DRC11: variants seen among roughly 807,000 people sequenced by gnomAD.
DRC11 encodes the protein IQ and AAA domain-containing protein 1.
the DRC11 span, chr2:236,338,419 A>G: frequency 6.4e-7 from 1 of 1,554,216 alleles, no homozygotes; most frequent in Non-Finnish European, 8.7e-7. Context: ...CACATATAGA[A>G]AAAAAGAATG....
the DRC11 span, among the ~76,000 whole-genome samples, chr2:236,379,892 G>C: frequency 2.0e-5 from 3 of 151,806 alleles, no homozygotes; most frequent in African/African-American, 7.3e-5. Flanking sequence ...CAGGACCAAG[G>C]GAGAGGGGAG....
the DRC11 span, among the ~76,000 whole-genome samples, chr2:236,382,526 T>C: frequency 1.3e-5 from 2 of 152,244 alleles, no homozygotes; most frequent in Admixed American, 6.5e-5. Flanking sequence ...TCCTATCCTA[T>C]AAAAATATCC....
the DRC11 span, among the ~76,000 whole-genome samples, chr2:236,432,031 A>G: frequency 6.6e-6 from 1 of 152,156 alleles, no homozygotes; most frequent in Non-Finnish European, 1.5e-5. Flanking sequence ...AAGTGGCAAC[A>G]TTTTACATTC....
chr2:236,342,577 C>T, the DRC11 span, among the ~76,000 whole-genome samples: 1 of 152,212 alleles, frequency 6.6e-6, no homozygotes, highest in East Asian at 1.9e-4. This position sits in a 1 kb window ranked among gnomAD's most constrained non-coding sequence, Gnocchi z 5.8. Flanking sequence ...AGCCCTGCTC[C>T]CTGAGGGGCA....
chr2:236,325,972 C>T, the DRC11 span, among the ~76,000 whole-genome samples: 1 of 152,216 alleles, frequency 6.6e-6, no homozygotes, highest in Non-Finnish European at 1.5e-5. This position sits in a 1 kb window ranked among gnomAD's most constrained non-coding sequence, Gnocchi z 4.4. Context: ...AAATATTAGG[C>T]AGATAGTTGT....
chr2:236,469,125 C>T, the DRC11 span, among the ~76,000 whole-genome samples: 1 of 152,152 alleles, frequency 6.6e-6, no homozygotes, highest in Non-Finnish European at 1.5e-5. The surrounding 1 kb of genome is among the most constrained non-coding windows in gnomAD (Gnocchi z 5.8). Context: ...TCCTGATAGC[C>T]CCTTGGCATG....
chr2:236,320,715 C>T, the DRC11 span, among the ~76,000 whole-genome samples: 1 of 152,284 alleles, frequency 6.6e-6, no homozygotes, highest in East Asian at 1.9e-4. Context: ...TAATTACTGT[C>T]CCCTCCACTT....
chr2:236,486,070 C>T, the DRC11 span, among the ~76,000 whole-genome samples: 2 of 152,194 alleles, frequency 1.3e-5, no homozygotes, highest in African/African-American at 4.8e-5. The surrounding 1 kb of genome is among the most constrained non-coding windows in gnomAD (Gnocchi z 5.7). Context: ...CTGAGCAGCC[C>T]CCCTCTCCCT....
At chr2:236,413,270 A>G in the DRC11 span, among the ~76,000 whole-genome samples, 1 of 152,202 alleles carries the variant, frequency 6.6e-6, no homozygotes, top group African/African-American at 2.4e-5. The surrounding 1 kb of genome is among the most constrained non-coding windows in gnomAD (Gnocchi z 4.0). Flanking sequence ...AAGTTTACAA[A>G]CAACTGCAGG....
the DRC11 span, among the ~76,000 whole-genome samples, chr2:236,459,636 C>CGTATATACGTATATACATAT: frequency 1.5e-5 from 2 of 132,936 alleles, no homozygotes; most frequent in African/African-American, 5.7e-5. Context: ...TACGTATATA[C>CGTATATACGTATATACATAT]GTATATACGT....
chr2:236,407,959 G>A, the DRC11 span: 1 of 534,222 alleles, frequency 1.9e-6, no homozygotes, highest in Non-Finnish European at 3.7e-6. Flanking sequence ...AAACTTGGCA[G>A]TGGTGTCAAT....
chr2:236,419,538 C>T, the DRC11 span, among the ~76,000 whole-genome samples: 1 of 152,130 alleles, frequency 6.6e-6, no homozygotes, highest in Admixed American at 6.5e-5. The surrounding 1 kb of genome is among the most constrained non-coding windows in gnomAD (Gnocchi z 4.8). Context: ...CCTAATTCCA[C>T]CCACTCCAGC....
the DRC11 span, among the ~76,000 whole-genome samples, chr2:236,322,624 T>C: frequency 3.3e-5 from 5 of 152,156 alleles, no homozygotes; most frequent in African/African-American, 1.2e-4. Context: ...AGCCATCCTT[T>C]GGGAAAAGGC....
the DRC11 span, among the ~76,000 whole-genome samples, chr2:236,401,800 G>A: frequency 2.0e-5 from 3 of 152,056 alleles, no homozygotes; most frequent in East Asian, 1.9e-4. This position sits in a 1 kb window ranked among gnomAD's most constrained non-coding sequence, Gnocchi z 4.6. Flanking sequence ...TAATGGGTAC[G>A]GGGTCTCCTT....
chr2:236,341,767 C>T, the DRC11 span, among the ~76,000 whole-genome samples: 1 of 152,160 alleles, frequency 6.6e-6, no homozygotes, highest in Non-Finnish European at 1.5e-5. Context: ...GGGGAGAAGG[C>T]CCCATTCTGG....
chr2:236,464,019 T>A, the DRC11 span, among the ~76,000 whole-genome samples: 1 of 152,290 alleles, frequency 6.6e-6, no homozygotes, highest in African/African-American at 2.4e-5. Context: ...CTCCCTGCCT[T>A]GTGGGCCTCT....
At chr2:236,426,515 G>A in the DRC11 span, among the ~76,000 whole-genome samples, 13 of 152,056 alleles carry the variant, frequency 8.5e-5, 1 homozygote, top group African/African-American at 3.1e-4. This position sits in a 1 kb window ranked among gnomAD's most constrained non-coding sequence, Gnocchi z 4.1. Flanking sequence ...AAATTTGTTC[G>A]TCAGTTCTAA....
the DRC11 span, chr2:236,338,245 T>A: frequency 1.2e-6 from 2 of 1,613,954 alleles, no homozygotes; most frequent in African/African-American, 1.3e-5. Flanking sequence ...CCAAAATAAT[T>A]TTCTGGTAAA....
chr2:236,356,577 C>T, the DRC11 span, among the ~76,000 whole-genome samples: 1 of 152,160 alleles, frequency 6.6e-6, no homozygotes, highest in Admixed American at 6.5e-5. Flanking sequence ...TGTTGACATT[C>T]AGCACTCTGA....
Sources: allele counts gnomAD v4.1 joint callset (sites outside exome capture counted in the v4.1 genomes callset), GRCh38; gene constraint gnomAD v4.1.1; non-coding constraint Gnocchi (gnomAD v3.1); transcripts MANE v1.5; gene names NCBI Gene and HGNC (gene_info 2026-07-23, HGNC 2026-07-21).